MAGI1: variants seen among roughly 807,000 people sequenced by gnomAD.
MAGI1 encodes the protein membrane-associated guanylate kinase, WW and PDZ domain-containing protein 1.
A neutral mutation model predicts 139.9 loss-of-function variants in MAGI1; 58 were observed. That is an observed-to-expected ratio of 0.41 (90% CI 0.34 to 0.52). The LOEUF (loss-of-function observed/expected upper bound fraction) is 0.52. Ranked by LOEUF, MAGI1 falls within the 20% of genes least tolerant of loss-of-function variation. The pLI is 0.12. For missense variants in MAGI1, 1,874 were observed against 1,901.6 expected (o/e 0.99, Z 0.27); for synonymous variants, 812 against 737.9 (o/e 1.10, Z -1.63).
chr3:65,760,159 C>T (rs904913906), intron 1 of MAGI1, among the ~76,000 whole-genome samples: 7 of 151,866 alleles, frequency 4.6e-5, no homozygotes, highest in African/African-American at 1.7e-4. Context: ...TCCTCCTCCT[C>T]CTCCTCCTCC....
At chr3:65,651,975 G>GA (rs1485363440) in intron 1 of MAGI1, among the ~76,000 whole-genome samples, 7 of 151,962 alleles carry the variant, frequency 4.6e-5, no homozygotes, top group South Asian at 4.1e-4. Flanking sequence ...ATGCTGAAGG[G>GA]AAAAAACCCC....
At chr3:66,010,073 G>A (rs1200329301) in intron 1 of MAGI1, among the ~76,000 whole-genome samples, 2 of 49,550 alleles carry the variant, frequency 4.0e-5, no homozygotes, top group Non-Finnish European at 6.9e-5. Context: ...GATACTCTCT[G>A]TCTCAAAAAA....
At chr3:65,824,650 G>GA (rs1439106088) in intron 1 of MAGI1, among the ~76,000 whole-genome samples, 1 of 152,130 alleles carries the variant, frequency 6.6e-6, no homozygotes, top group Non-Finnish European at 1.5e-5. Flanking sequence ...ATTGAACAAA[G>GA]AGACACAGTA....
rs1016988100 is a variant in MAGI1, at chr3:65,490,118, T to C, written c.550+3394A>G. 2.0e-5 allele frequency among the ~76,000 whole-genome samples: 3 copies of C among 152,334 alleles called. No individual in the cohort carries two copies. The Middle Eastern group carries it at 0.01, about 518-fold the overall frequency. On this transcript the variant is annotated intron_variant, in intron 3 of 22. Transcript: ENST00000402939. ...ATCCACTACAGGAGCAATTTTGAAC[T>C]AGGTGCGTGTAAATACAAAAGCTAA...
At chr3:65,369,892 G>A (rs1941816944) in intron 18 of MAGI1, among the ~76,000 whole-genome samples, 1 of 152,092 alleles carries the variant, frequency 6.6e-6, no homozygotes, top group African/African-American at 2.4e-5. Context: ...GAAACAAATG[G>A]TTTTTGGGCC....
chr3:65,915,473 G>C (rs538153438), intron 1 of MAGI1, among the ~76,000 whole-genome samples: 86 of 152,214 alleles, frequency 5.6e-4, no homozygotes, highest in Middle Eastern at 3.4e-3. Flanking sequence ...CCCCTTTTTA[G>C]ACACTGGCTG....
At chr3:65,974,985 G>A (rs944223703) in intron 1 of MAGI1, among the ~76,000 whole-genome samples, 1 of 151,908 alleles carries the variant, frequency 6.6e-6, no homozygotes, top group East Asian at 1.9e-4. Context: ...TGCAAAGCCA[G>A]TAACAAATTA....
At chr3:65,607,102 T>G (rs750646272) in intron 2 of MAGI1, among the ~76,000 whole-genome samples, 4 of 152,052 alleles carry the variant, frequency 2.6e-5, no homozygotes, top group Non-Finnish European at 4.4e-5. Context: ...TGAAAATATA[T>G]GTACATGTTA....
chr3:65,806,446 C>T (rs1226721051), intron 1 of MAGI1, among the ~76,000 whole-genome samples: 1 of 152,052 alleles, frequency 6.6e-6, no homozygotes, highest in East Asian at 1.9e-4. Flanking sequence ...AAAATGTAGC[C>T]AACTGTTTGA....
chr3:65,993,128 C>G (rs2066267763), intron 1 of MAGI1, among the ~76,000 whole-genome samples: 1 of 152,166 alleles, frequency 6.6e-6, no homozygotes, highest in Admixed American at 6.6e-5. Context: ...TTCATTACAG[C>G]TTTATTTCCA....
At chr3:65,611,498 C>T (rs563930178) in intron 2 of MAGI1, among the ~76,000 whole-genome samples, 4 of 143,800 alleles carry the variant, frequency 2.8e-5, no homozygotes, top group African/African-American at 1.0e-4. Flanking sequence ...TATACACACA[C>T]ATATACTATA....
At chr3:65,639,527 G>A (rs1322835371) in intron 1 of MAGI1, among the ~76,000 whole-genome samples, 1 of 152,168 alleles carries the variant, frequency 6.6e-6, no homozygotes, top group African/African-American at 2.4e-5. Context: ...CTGGGCCACA[G>A]CATGTCCACG....
chr3:65,432,073 T>C (rs997399816), intron 10 of MAGI1, among the ~76,000 whole-genome samples: 1 of 152,162 alleles, frequency 6.6e-6, no homozygotes, highest in South Asian at 2.1e-4. Context: ...TAAGGTTTTA[T>C]TGAGTTTTCT....
chr3:65,735,517 C>A (rs976233531), intron 1 of MAGI1, among the ~76,000 whole-genome samples: 22 of 152,114 alleles, frequency 1.4e-4, no homozygotes, highest in African/African-American at 5.1e-4. Flanking sequence ...ATATTGTCAA[C>A]AGATCCAGGG....
At chr3:65,663,187 TG>T (rs34665009) in intron 1 of MAGI1, among the ~76,000 whole-genome samples, 1 of 152,200 alleles carries the variant, frequency 6.6e-6, no homozygotes, top group African/African-American at 2.4e-5. Context: ...GTGTGAAGCC[TG>T]GGAAGTGGAA....
chr3:65,371,066 C>T (rs986552259), intron 18 of MAGI1, among the ~76,000 whole-genome samples: 2 of 152,252 alleles, frequency 1.3e-5, no homozygotes, highest in Non-Finnish European at 2.9e-5. Context: ...GCTCTTCACT[C>T]AGGGAGTACT....
At chr3:66,037,477 G>C (rs1211754763) in intron 1 of MAGI1, among the ~76,000 whole-genome samples, 39 of 152,120 alleles carry the variant, frequency 2.6e-4, no homozygotes, top group Admixed American at 2.5e-3. Context: ...GGCGGGCTCA[G>C]GAACCGCCAG....
chr3:65,543,574 G>T (rs1260186318), intron 2 of MAGI1, among the ~76,000 whole-genome samples: 1 of 152,148 alleles, frequency 6.6e-6, no homozygotes, highest in Non-Finnish European at 1.5e-5. Flanking sequence ...TGCAGCCATA[G>T]AAAAGGATGA....
intron 1 of MAGI1, among the ~76,000 whole-genome samples, chr3:65,855,434 A>AAAAAT (rs886826507): frequency 1.3e-4 from 20 of 150,070 alleles, no homozygotes; most frequent in African/African-American, 2.2e-4. Flanking sequence ...AAGTAACTTT[A>AAAAAT]AAAATAAAAT....
Sources: allele counts gnomAD v4.1 joint callset (sites outside exome capture counted in the v4.1 genomes callset), GRCh38; gene constraint gnomAD v4.1.1; transcripts MANE v1.5; gene names NCBI Gene and HGNC (gene_info 2026-07-23, HGNC 2026-07-21).